SGCZ: variants seen among roughly 807,000 people sequenced by gnomAD.
The protein encoded by SGCZ is sarcoglycan zeta, also known as zeta-sarcoglycan.
In SGCZ, 40 loss-of-function variants were observed where a neutral mutation model predicts 41.3. The observed-to-expected ratio is 0.97, with a 90% CI of 0.75 to 1.26. SGCZ has a LOEUF of 1.26. Ranked by LOEUF, SGCZ falls within the 50% of genes most tolerant of loss-of-function variation. The probability of loss-of-function intolerance (pLI) is 0.00; values close to 1 mark genes in which losing one functional copy is unlikely to be tolerated. For missense variants in SGCZ, 552 were observed against 369.8 expected, an observed-to-expected ratio of 1.49 and a Z score of -4.04; for synonymous variants, 206 against 137.5, an observed-to-expected ratio of 1.50 and a Z score of -3.49.
chr8:15,155,489 G>T (rs1799302529), intron 1 of SGCZ, among the ~76,000 whole-genome samples: 1 of 151,992 alleles, frequency 6.6e-6, no homozygotes, highest in African/African-American at 2.4e-5. Flanking sequence ...TAGTATTCTA[G>T]AAAATATTAA....
intron 2 of SGCZ, among the ~76,000 whole-genome samples, chr8:14,421,791 T>C (rs1012985202): frequency 3.9e-5 from 6 of 152,110 alleles, no homozygotes; most frequent in Non-Finnish European, 5.9e-5. Flanking sequence ...TGATATATAC[T>C]AGGAGTCAAT....
At chr8:15,008,337 G>T (rs1045515535) in intron 1 of SGCZ, among the ~76,000 whole-genome samples, 1 of 151,658 alleles carries the variant, frequency 6.6e-6, no homozygotes, top group African/African-American at 2.4e-5. Context: ...TATTTTCATT[G>T]TTTTAGTTGT....
intron 1 of SGCZ, among the ~76,000 whole-genome samples, chr8:14,794,881 T>C (rs546074209): frequency 6.6e-6 from 1 of 152,156 alleles, no homozygotes; most frequent in Non-Finnish European, 1.5e-5. Context: ...AGTCAAGAAA[T>C]GCCTTTAAAA....
chr8:14,281,980 T>A lies in SGCZ; in HGVS notation c.336+42123A>T, dbSNP rs112508093. 2.0e-5 allele frequency among the ~76,000 whole-genome samples: 3 copies of A among 152,274 alleles called. No individual in the cohort carries two copies. In the East Asian group the frequency reaches 5.8e-4, roughly 29 times the overall value. ...ACAACATCAATCCCCTTCTACAACA[T>A]TGATCTAACCAAATGATTTCAGCTT... On this transcript the variant is annotated intron_variant, in intron 3 of 7. Transcript: ENST00000382080.
intron 4 of SGCZ, among the ~76,000 whole-genome samples, chr8:14,213,491 T>C (rs116099664): frequency 0.018 from 2,790 of 152,174 alleles, 94 homozygotes; most frequent in African/African-American, 0.061. Context: ...AACACCTTCT[T>C]ATACAAAGAA....
intron 1 of SGCZ, among the ~76,000 whole-genome samples, chr8:15,060,217 C>T (rs1275361255): frequency 6.6e-6 from 1 of 152,064 alleles, no homozygotes; most frequent in East Asian, 1.9e-4. Context: ...GACACATGCA[C>T]ACATATGTTT....
intron 1 of SGCZ, among the ~76,000 whole-genome samples, chr8:14,951,216 A>T (rs1800627773): frequency 6.6e-6 from 1 of 152,042 alleles, no homozygotes; most frequent in South Asian, 2.1e-4. Flanking sequence ...TGTTATGCTG[A>T]CTTAAAACAT....
Position 14,713,374 on chromosome 8 carries a change from C to T in SGCZ, c.40-158448G>A, listed in dbSNP as rs368355267. Among the ~76,000 whole-genome samples the T allele has an allele frequency of 2.0e-4, 30 of 152,076 alleles. No individual in the cohort carries two copies. In the East Asian group the frequency reaches 2.9e-3, roughly 15 times the overall value. On this transcript the variant is annotated intron_variant, in intron 1 of 7. Coordinates refer to ENST00000382080, the MANE Select transcript of SGCZ (RefSeq NM_139167.4). ...CTATCACTATTACTATAATTTGTCA[C>T]CATTATTGTAATTTAAGGAGATGTC...
At position 14,100,424 on chromosome 8, in the gene SGCZ, G is replaced by A. The variant is rs544427863; in HGVS notation, c.744+1952C>T. ...ATCAAAGCAACTCTTTAAAAAGAAT[G>A]CAAGATGTTTAAGAAAGACTTCCGT... On this transcript the variant is annotated intron_variant, in intron 7 of 7. Coordinates refer to ENST00000382080, the MANE Select transcript of SGCZ (RefSeq NM_139167.4). Among the ~76,000 whole-genome samples, 33 of 150,490 alleles carry A rather than the reference G, an allele frequency of 2.2e-4. No individual in the cohort carries two copies. The East Asian group carries it at 6.2e-3, about 28-fold the overall frequency.
chr8:15,145,949 G>T (rs1374496566), intron 1 of SGCZ, among the ~76,000 whole-genome samples: 1 of 152,126 alleles, frequency 6.6e-6, no homozygotes, highest in African/African-American at 2.4e-5. Context: ...ACTCCAAAAA[G>T]GCAAAGAGAA....
chr8:14,486,567 A>AGTGT (rs1014601575), intron 2 of SGCZ, among the ~76,000 whole-genome samples: 1 of 152,068 alleles, frequency 6.6e-6, no homozygotes, highest in African/African-American at 2.4e-5. Flanking sequence ...GTGAGTAATG[A>AGTGT]GTGTGTGTGT....
intron 4 of SGCZ, among the ~76,000 whole-genome samples, chr8:14,190,647 G>T (rs191942177): frequency 1.3e-4 from 20 of 152,010 alleles, no homozygotes; most frequent in Admixed American, 3.9e-4. Flanking sequence ...CTGTCGCCCA[G>T]GCTGGAGTGC....
At chr8:14,803,432 G>C (rs1015165530) in intron 1 of SGCZ, among the ~76,000 whole-genome samples, 1 of 152,128 alleles carries the variant, frequency 6.6e-6, no homozygotes, top group Non-Finnish European at 1.5e-5. Context: ...CAAGGGGTCA[G>C]GGAGTTCCCT....
intron 4 of SGCZ, among the ~76,000 whole-genome samples, chr8:14,187,282 C>G (rs1804937196): frequency 6.6e-6 from 1 of 152,062 alleles, no homozygotes. Context: ...CCTAAATTTT[C>G]CAATGTTCAA....
chr8:14,808,086 T>C (rs984330240), intron 1 of SGCZ, among the ~76,000 whole-genome samples: 3 of 152,120 alleles, frequency 2.0e-5, no homozygotes, highest in Non-Finnish European at 4.4e-5. Context: ...TAATTCAAGA[T>C]GGATTAAAGA....
At chr8:14,203,891 G>A (rs1805534671) in intron 4 of SGCZ, among the ~76,000 whole-genome samples, 1 of 151,886 alleles carries the variant, frequency 6.6e-6, no homozygotes, top group South Asian at 2.1e-4. Context: ...AGGAATTGGG[G>A]GAAAGAGTGC....
intron 1 of SGCZ, among the ~76,000 whole-genome samples, chr8:14,711,200 T>C (rs781775160): frequency 6.6e-6 from 1 of 152,194 alleles, no homozygotes; most frequent in South Asian, 2.1e-4. Flanking sequence ...TTAAAAATTA[T>C]GTACAAATGT....
intron 1 of SGCZ, among the ~76,000 whole-genome samples, chr8:15,097,621 T>G (rs891500901): frequency 1.3e-5 from 2 of 151,166 alleles, no homozygotes; most frequent in Admixed American, 6.6e-5. Flanking sequence ...GTCGGGGCAA[T>G]GTTGACTGCC....
chr8:14,388,351 G>A (rs1398817846), intron 2 of SGCZ, among the ~76,000 whole-genome samples: 1 of 152,040 alleles, frequency 6.6e-6, no homozygotes, highest in Non-Finnish European at 1.5e-5. Flanking sequence ...CCAGAGAAAA[G>A]AGAATTGGTC....
Sources: allele counts gnomAD v4.1 joint callset (sites outside exome capture counted in the v4.1 genomes callset), GRCh38; gene constraint gnomAD v4.1.1; transcripts MANE v1.5; gene names NCBI Gene and HGNC (gene_info 2026-07-23, HGNC 2026-07-21).